GAREM1: variants seen among roughly 807,000 people sequenced by gnomAD.
GAREM1 encodes GRB2-associated and regulator of MAPK protein 1.
In GAREM1, 26 loss-of-function variants were observed where a neutral mutation model predicts 71.3. The observed-to-expected ratio is 0.36, with a 90% CI of 0.27 to 0.51. The LOEUF (loss-of-function observed/expected upper bound fraction) is 0.51. Among genes scored for constraint, GAREM1 ranks in the 20% least tolerant of loss-of-function variants. GAREM1 has a pLI of 0.95. For synonymous variants in GAREM1, 440 were observed against 433.2 expected (o/e 1.02, Z -0.20); for missense variants, 1,026 against 1,103.1 (o/e 0.93, Z 0.99).
chr18:32,419,134 T>G (rs1484367229), intron 1 of GAREM1, among the ~76,000 whole-genome samples: 2 of 152,190 alleles, frequency 1.3e-5, no homozygotes, highest in South Asian at 2.1e-4. Context: ...CTCAGGTCCT[T>G]GCCCAGTGGC....
intron 2 of GAREM1, among the ~76,000 whole-genome samples, chr18:32,371,758 G>C (rs2047982292): frequency 6.6e-6 from 1 of 152,114 alleles, no homozygotes; most frequent in Non-Finnish European, 1.5e-5. Context: ...GGGCAGGAGA[G>C]CTCAGAGGAA....
chr18:32,409,554 G>C (rs1027197420), intron 1 of GAREM1, among the ~76,000 whole-genome samples: 7 of 152,062 alleles, frequency 4.6e-5, no homozygotes, highest in South Asian at 2.1e-4. Context: ...TAAGCAAAAA[G>C]GAATGCATGA....
intron 1 of GAREM1, among the ~76,000 whole-genome samples, chr18:32,452,681 G>A (rs1187602245): frequency 6.6e-6 from 1 of 152,074 alleles, no homozygotes; most frequent in Non-Finnish European, 1.5e-5. Flanking sequence ...TGTGCACCTA[G>A]CCCTTGTTAC....
At chr18:32,441,324 T>C (rs548842522) in intron 1 of GAREM1, among the ~76,000 whole-genome samples, 5 of 151,282 alleles carry the variant, frequency 3.3e-5, no homozygotes, top group African/African-American at 4.9e-5. Context: ...CAACAACGTC[T>C]AGCATAAAAT....
At chr18:32,458,810 T>C (rs1360093773) in intron 1 of GAREM1, among the ~76,000 whole-genome samples, 1 of 152,080 alleles carries the variant, frequency 6.6e-6, no homozygotes, top group African/African-American at 2.4e-5. Flanking sequence ...TTCAATGATA[T>C]ACAAAATCAT....
chr18:32,298,431 T>C (rs186943100), intron 3 of GAREM1, among the ~76,000 whole-genome samples: 2 of 152,134 alleles, frequency 1.3e-5, no homozygotes, highest in Admixed American at 6.5e-5. Flanking sequence ...AAAGAAACAA[T>C]GCATTCTAAG....
At chr18:32,303,766 T>A (rs1297877231) in intron 3 of GAREM1, among the ~76,000 whole-genome samples, 1 of 150,896 alleles carries the variant, frequency 6.6e-6, no homozygotes, top group South Asian at 2.1e-4. Context: ...AGAAAAAATT[T>A]AAAAATCAGC....
chr18:32,315,481 G>GAT (rs965376594), intron 2 of GAREM1, among the ~76,000 whole-genome samples: 5 of 143,632 alleles, frequency 3.5e-5, no homozygotes, highest in African/African-American at 1.3e-4. Flanking sequence ...TATAAAAGTA[G>GAT]ATATATATAA....
chr18:32,272,675 G>A (rs1212843065), intron 4 of GAREM1, among the ~76,000 whole-genome samples: 2 of 151,824 alleles, frequency 1.3e-5, no homozygotes, highest in African/African-American at 2.4e-5. Flanking sequence ...CTAGGCTGGC[G>A]TGCAATGGCA....
At chr18:32,340,337 G>A (rs565498500) in intron 2 of GAREM1, among the ~76,000 whole-genome samples, 4 of 152,320 alleles carry the variant, frequency 2.6e-5, no homozygotes, top group African/African-American at 9.6e-5. Flanking sequence ...AAAAAGTGCT[G>A]TGAGATTATG....
intron 1 of GAREM1, among the ~76,000 whole-genome samples, chr18:32,409,136 A>G (rs1002912154): frequency 6.6e-6 from 1 of 152,194 alleles, no homozygotes; most frequent in Non-Finnish European, 1.5e-5. Flanking sequence ...CCACAAGACC[A>G]CTAGGCAACA....
chr18:32,275,950 C>T (rs1323535837), intron 4 of GAREM1, among the ~76,000 whole-genome samples: 1 of 152,230 alleles, frequency 6.6e-6, no homozygotes, highest in Non-Finnish European at 1.5e-5. Flanking sequence ...GCTGGGATTA[C>T]AGGCGTGAGC....
chr18:32,348,897 A>C (rs954305822), intron 2 of GAREM1, among the ~76,000 whole-genome samples: 3 of 152,142 alleles, frequency 2.0e-5, no homozygotes, highest in African/African-American at 7.2e-5. Flanking sequence ...CAACTACTAT[A>C]ATAAATCCAT....
intron 4 of GAREM1, among the ~76,000 whole-genome samples, chr18:32,272,987 G>A (rs2041485192): frequency 6.6e-6 from 1 of 152,186 alleles, no homozygotes; most frequent in South Asian, 2.1e-4. Context: ...TTAGTGAACT[G>A]CACGGTAGCC....
At chr18:32,469,027 A>G (rs2049025380) in intron 1 of GAREM1, among the ~76,000 whole-genome samples, 1 of 129,338 alleles carries the variant, frequency 7.7e-6, no homozygotes, top group Admixed American at 9.7e-5. Flanking sequence ...TACTAGTTTT[A>G]AAACTTCCAG....
chr18:32,274,282 A>T (rs2041507978), intron 4 of GAREM1, among the ~76,000 whole-genome samples: 1 of 152,162 alleles, frequency 6.6e-6, no homozygotes, highest in Admixed American at 6.5e-5. Flanking sequence ...TAACAGTTCT[A>T]TTACTCTTTG....
At chr18:32,346,436 G>A (rs1157430716) in intron 2 of GAREM1, among the ~76,000 whole-genome samples, 1 of 152,146 alleles carries the variant, frequency 6.6e-6, no homozygotes, top group Non-Finnish European at 1.5e-5. Flanking sequence ...TTTAGCAAAT[G>A]TTTCATCAAT....
Position 32,267,937 on chromosome 18 carries a change from G to A in GAREM1, c.2565C>T (p.Phe855=), listed in dbSNP as rs906674671. The part of the protein sequence containing the change: ...QLTEEILSED[F]KLSKLQVKKI... The stretch of plus-strand genomic sequence containing the variant: ...TCTTCACCTGCAATTTGCTCAATTT[G>A]AAATCCTCTGAGAGGATTTCTTCCG... The change falls in exon 6 of 6, where the codon TTC becomes TTT. Residue 855 remains phenylalanine, a synonymous_variant. Coordinates refer to ENST00000269209, the MANE Select transcript of GAREM1 (RefSeq NM_001242409.2). 1.2e-6 allele frequency: 2 copies of A among 1,613,836 alleles called. No individual in the cohort carries two copies. The highest frequency in any genetic ancestry group is 2.7e-5 in the African/African-American group (2 of 74,872).
chr18:32,390,466 A>ATT (rs2048184963), intron 2 of GAREM1, among the ~76,000 whole-genome samples: 1 of 152,158 alleles, frequency 6.6e-6, no homozygotes, highest in South Asian at 2.1e-4. Flanking sequence ...CTCATGAACT[A>ATT]TTTGGTCCTA....
Sources: gnomAD v4.1 joint callset for allele counts (sites outside exome capture counted in the v4.1 genomes callset) on GRCh38, gnomAD v4.1.1 for gene constraint, MANE v1.5 for transcripts, NCBI Gene and HGNC (gene_info 2026-07-23, HGNC 2026-07-21) for gene names.